The following MED12L variants were observed in gnomAD, a reference collection of about 807,000 sequenced individuals.
MED12L encodes mediator of RNA polymerase II transcription subunit 12-like protein.
Under a neutral mutation model 281.3 loss-of-function variants are expected in MED12L, and 60 were observed. The observed-to-expected ratio is 0.21, with a 90% CI of 0.17 to 0.26. The LOEUF (loss-of-function observed/expected upper bound fraction) is 0.26, where lower values mean the gene tolerates loss of function less well. Among genes scored for constraint, MED12L ranks in the 10% least tolerant of loss-of-function variants. The pLI, the probability that MED12L is intolerant of heterozygous loss-of-function variation, is 1.00. For synonymous variants in MED12L, 974 were observed against 987.2 expected, an observed-to-expected ratio of 0.99 and a Z score of 0.25; for missense variants, 2,146 against 2,680.9, an observed-to-expected ratio of 0.80 and a Z score of 4.41.
At position 151,377,431 on chromosome 3, in the gene MED12L, T is replaced by C. The variant is rs147290682; in HGVS notation, c.4316+253T>C. Among the ~76,000 whole-genome samples, 9 of 152,336 alleles carry C rather than the reference T, an allele frequency of 5.9e-5. No individual in the cohort carries two copies. In the East Asian group the frequency reaches 1.7e-3, roughly 29 times the overall value. ...TTTGGTTCATGCTTTCAGTGTCCCT[T>C]AGTCTACTGTGTTACGTAGTATTCA... On this transcript the variant is annotated intron_variant, in intron 30 of 44. Coordinates refer to ENST00000687756, the MANE Select transcript of MED12L (RefSeq NM_001393769.1).
At chr3:151,345,280 C>T (rs1288813722) in intron 16 of MED12L, among the ~76,000 whole-genome samples, 1 of 152,158 alleles carries the variant, frequency 6.6e-6, no homozygotes. Context: ...GATGCTTTTC[C>T]TTGTCCAACA....
Position 151,165,430 on chromosome 3 carries a change from G to C in MED12L, c.1268G>C (p.Arg423Thr). ...NTAFNQQVRARIYEVEQQIKQ... is the reference protein window; with the variant it reads ...NTAFNQQVRATIYEVEQQIKQ... ...GCGATTATCTTTCAGGTTCGGGCAA[G>C]GATTTATGAAGTAGAACAACAGATA... The change falls in exon 10 of 45, where the codon AGG (arginine) becomes ACG (threonine). Residue 423 changes from arginine (R) to threonine (T), a missense_variant. By Grantham distance (71) the Arg-to-Thr change is moderately conservative. This residue lies in a region of MED12L where 722 missense variants were observed against 861.2 expected (regional missense o/e 0.84). Transcript: ENST00000687756. 1 of 1,613,728 alleles carries C rather than the reference G, an allele frequency of 6.2e-7. No homozygotes were observed. Among genetic ancestry groups the C allele is most frequent in the South Asian group, 1.1e-5 (1 of 91,054 alleles).
At position 151,289,698 on chromosome 3, in the gene MED12L, T is replaced by C. The variant is rs183116019; in HGVS notation, c.2251-60361T>C. Among the ~76,000 whole-genome samples, 492 of 152,302 alleles carry C rather than the reference T, an allele frequency of 3.2e-3. 1 individual carries two copies. Among genetic ancestry groups the C allele is most frequent in the Non-Finnish European group, 6.1e-3 (413 of 68,012 alleles). On this transcript the variant is annotated intron_variant, in intron 16 of 44. Coordinates refer to ENST00000687756, the MANE Select transcript of MED12L (RefSeq NM_001393769.1). ...CTGCATATATATTTATGTAAATGTG[T>C]CCAGAATGTTGAAAAGTCTTGCATG...
chr3:151,423,043 G>A (rs897136194), intron 43 of MED12L, among the ~76,000 whole-genome samples: 10 of 140,036 alleles, frequency 7.1e-5, no homozygotes, highest in Non-Finnish European at 1.5e-5. Context: ...ATTTTGAAAC[G>A]GAGTCTTGCT....
At chr3:151,100,524 A>G (rs554585745) in intron 2 of MED12L, among the ~76,000 whole-genome samples, 65 of 152,326 alleles carry the variant, frequency 4.3e-4, no homozygotes, top group African/African-American at 1.5e-3. Flanking sequence ...GGATCTATCA[A>G]AACTGTGGCT....
At chr3:151,133,838 A>G (rs763537418) in intron 5 of MED12L, among the ~76,000 whole-genome samples, 7 of 152,250 alleles carry the variant, frequency 4.6e-5, no homozygotes, top group Non-Finnish European at 8.8e-5. Flanking sequence ...ATGAAAAAGT[A>G]AAACTCACAT....
chr3:151,128,068 G>GCATGGTGAGTGTTGAGAAGGTC, intron 5 of MED12L, 84 bp downstream of exon 5: 1 of 1,243,774 alleles, frequency 8.0e-7, no homozygotes. Context: ...ATACAGCCCA[G>GCATGGTGAGTGTTGAGAAGGTC]CATGGTGAGT....
chr3:151,242,583 A>G (rs1209499701), intron 16 of MED12L, among the ~76,000 whole-genome samples: 13 of 152,218 alleles, frequency 8.5e-5, no homozygotes, highest in Admixed American at 7.8e-4. Flanking sequence ...AAACTAACAA[A>G]CAGAAAACAC....
intron 16 of MED12L, among the ~76,000 whole-genome samples, chr3:151,309,141 G>GCACACA (rs1553775156): frequency 1.1e-4 from 16 of 147,602 alleles, no homozygotes; most frequent in South Asian, 1.1e-3. Context: ...ACACACACAC[G>GCACACA]CACACACACA....
rs866255940 is a variant in MED12L, at chr3:151,413,230, C to A, written c.6232C>A (p.Pro2078Thr). Residue 2078 changes from proline (P) to threonine (T), a missense_variant, in exon 42 of 45, where the codon CCC (proline) becomes ACC (threonine). This residue lies in a region of MED12L where 496 missense variants were observed against 512.0 expected (regional missense o/e 0.97). Transcript: ENST00000687756. ...TSAHPNLPSVPLPQDPMRPRQ... is the reference protein window; with the variant it reads ...TSAHPNLPSVTLPQDPMRPRQ... ...TGCACATCCAAACCTTCCCTCCGTG[C>A]CCCTGCCTCAGGATCCCATGAGACC... is the stretch of plus-strand genomic sequence containing the variant. The A allele has an allele frequency of 6.2e-7, 1 of 1,614,196 alleles. No homozygotes were observed. The highest frequency in any genetic ancestry group is 1.6e-4 in the Middle Eastern group (1 of 6,062).
chr3:151,404,541 G>T (rs1716065929), intron 39 of MED12L, among the ~76,000 whole-genome samples: 1 of 152,210 alleles, frequency 6.6e-6, no homozygotes, highest in Non-Finnish European at 1.5e-5. Flanking sequence ...ATACCATGTG[G>T]TGTTTTAGCC....
At chr3:151,099,056 G>A (rs2148653065) in intron 2 of MED12L, among the ~76,000 whole-genome samples, 1 of 152,204 alleles carries the variant, frequency 6.6e-6, no homozygotes, top group Admixed American at 6.5e-5. Context: ...AAGATATGGG[G>A]GAAACTGTAC....
intron 38 of MED12L, among the ~76,000 whole-genome samples, 187 bp from the exon 39 acceptor site, chr3:151,394,469 C>T (rs1714696600): frequency 6.6e-6 from 1 of 152,200 alleles, no homozygotes; most frequent in Non-Finnish European, 1.5e-5. Context: ...CTACATCACT[C>T]CCCTCATCTT....
chr3:151,230,584 T>TTTTTA, intron 16 of MED12L, among the ~76,000 whole-genome samples: 1 of 152,018 alleles, frequency 6.6e-6, no homozygotes, highest in Non-Finnish European at 1.5e-5. Flanking sequence ...TTTTTTTTTT[T>TTTTTA]TGAATGCACT....
chr3:151,260,302 A>T (rs1321017359), intron 16 of MED12L, among the ~76,000 whole-genome samples: 1 of 152,038 alleles, frequency 6.6e-6, no homozygotes, highest in Non-Finnish European at 1.5e-5. Context: ...TTAACCTCTC[A>T]TTTCCTTCTT....
chr3:151,169,204 A>G (rs1162075861), intron 11 of MED12L, among the ~76,000 whole-genome samples: 1 of 138,342 alleles, frequency 7.2e-6, no homozygotes, highest in Non-Finnish European at 1.5e-5. Flanking sequence ...TGCAACCTCC[A>G]CTTCCTGGGT....
chr3:151,159,112 C>T (rs1395156810), intron 7 of MED12L, among the ~76,000 whole-genome samples: 5 of 143,540 alleles, frequency 3.5e-5, no homozygotes, highest in Non-Finnish European at 6.1e-5. Flanking sequence ...ACACAAATCT[C>T]TGTGAAAACA....
chr3:151,414,952 TATC>T lies in MED12L; in HGVS notation c.6298-1357_6298-1355del, dbSNP rs1717378441. On this transcript the variant is annotated intron_variant, in intron 42 of 44. Coordinates refer to ENST00000687756, the MANE Select transcript of MED12L (RefSeq NM_001393769.1). ...ATTTTACGATTAATGTTATGACTAT[TATC>T]ATTACTATGAGTACTCACTTTCTTA... 4.6e-5 allele frequency among the ~76,000 whole-genome samples: 7 copies of T among 152,336 alleles called. No individual in the cohort carries two copies. In the South Asian group the frequency reaches 1.4e-3, roughly 32 times the overall value.
chr3:151,176,434 C>A (rs1722059540), intron 11 of MED12L, among the ~76,000 whole-genome samples: 1 of 152,082 alleles, frequency 6.6e-6, no homozygotes, highest in African/African-American at 2.4e-5. Flanking sequence ...TGGAAACTTT[C>A]ATAAACATAT....
Sources: allele counts gnomAD v4.1 joint callset (sites outside exome capture counted in the v4.1 genomes callset), GRCh38; gene constraint gnomAD v4.1.1; regional missense constraint gnomAD v4.1.1; transcripts MANE v1.5; gene names NCBI Gene and HGNC (gene_info 2026-07-23, HGNC 2026-07-21).